DDR1: variants seen among roughly 807,000 people sequenced by gnomAD.
DDR1 encodes epithelial discoidin domain-containing receptor 1.
A neutral mutation model predicts 97.4 loss-of-function variants in DDR1; 64 were observed. The ratio of observed to expected loss-of-function variants is 0.66; its 90% CI spans 0.54 to 0.81. The LOEUF (loss-of-function observed/expected upper bound fraction) is 0.81. DDR1 is among the 30% of genes least tolerant of loss of function. The probability of loss-of-function intolerance (pLI) is 0.00; values close to 1 mark genes in which losing one functional copy is unlikely to be tolerated. For synonymous variants in DDR1, 458 were observed against 503.7 expected (o/e 0.91, Z 1.21); for missense variants, 990 against 1,259.6 (o/e 0.79, Z 3.24).
In DDR1 at chr6:30,892,495, T is replaced by G. The variant is rs1230839597; in HGVS notation, c.1052T>G (p.Leu351Arg). The G allele has an allele frequency of 1.2e-6, 2 of 1,609,878 alleles. No homozygotes were observed. The highest frequency in any genetic ancestry group is 1.1e-5 in the South Asian group (1 of 90,920). The change falls in exon 8 of 18, where the codon CTC becomes CGC. Residue 351 changes from leucine (L) to arginine (R), a missense_variant. Coordinates refer to ENST00000376568, the MANE Select transcript of DDR1 (RefSeq NM_001297654.2). ...RVARFLQCRF[L>R]FAGPWLLFSE... ...GCTCGCTTTCTGCAGTGCCGCTTCC[T>G]CTTTGCGGGGCCCTGGTTACTCTTC...
Position 30,899,522 on chromosome 6 carries a change from G to C in DDR1, c.*226G>C, listed in dbSNP as rs1792208532. On this transcript the variant is annotated 3_prime_UTR_variant, in exon 18 of 18. Coordinates refer to ENST00000376568, the MANE Select transcript of DDR1 (RefSeq NM_001297654.2). ...CCCTTCCTGTTCTTCCTTCCTAGAA[G>C]CCCCTGTCGCCCACCCAGCTGGTCC... 4 of 583,138 alleles carry C rather than the reference G, an allele frequency of 6.9e-6. No homozygotes were observed. The East Asian group carries it at 1.2e-4, about 17-fold the overall frequency. The allele number at this position is 583,138 out of a possible 1,614,324, so 36.1% of individuals were successfully genotyped here.
Position 30,895,344 on chromosome 6 carries a change from G to C in DDR1, c.1514-60G>C, listed in dbSNP as rs1325284785. The C allele has an allele frequency of 5.3e-6, 7 of 1,318,696 alleles. No individual in the cohort carries two copies. In the East Asian group the frequency reaches 9.6e-5, roughly 18 times the overall value. 81.7% of individuals were successfully genotyped at this position (1,318,696 alleles called of 1,614,324 possible). A position where few individuals can be genotyped will look rare whatever the true frequency, so the allele number is the denominator to read the frequency against. ...GTCTTGCCCTATTCAAGGTCTCCCT[G>C]TCTGTCTAGCCTTGAGTCTCATCCC... is the stretch of plus-strand genomic sequence containing the variant. On this transcript the variant is annotated intron_variant, in intron 11 of 17. Coordinates refer to ENST00000376568, the MANE Select transcript of DDR1 (RefSeq NM_001297654.2).
chr6:30,896,960 C>A (rs370048524), intron 13 of DDR1, 54 bp from the exon 14 acceptor site: 7 of 1,581,864 alleles, frequency 4.4e-6, no homozygotes, highest in Non-Finnish European at 6.0e-6. Context: ...CATTTGTAAC[C>A]GTGTTAATCC....
rs1470533062 is a variant in DDR1 at position 30,888,690 on chromosome 6, A to T, written c.-40A>T. 6.2e-7 allele frequency: 1 copy of T among 1,611,004 alleles called. No individual in the cohort carries two copies. On this transcript the variant is annotated splice_region_variant and 5_prime_UTR_variant, in exon 2 of 18. The change abolishes an upstream ATG in the 5' untranslated region. Coordinates refer to ENST00000376568, the MANE Select transcript of DDR1 (RefSeq NM_001297654.2). This position sits in a 1 kb window ranked among gnomAD's most constrained non-coding sequence, Gnocchi z 4.2. ...ACCACCCATTTTATCCCCTGCAGAG[A>T]TGCTGCCCCCACCCCCTTAGGCCCG...
Position 30,889,558 on chromosome 6 carries a change from C to A in DDR1, c.417+128C>A. 1 of 668,676 alleles carries A rather than the reference C, an allele frequency of 1.5e-6. No individual in the cohort carries two copies. 41.4% of individuals were successfully genotyped at this position (668,676 alleles called of 1,614,324 possible). A position where few individuals can be genotyped will look rare whatever the true frequency, so the allele number is the denominator to read the frequency against. On this transcript the variant is annotated intron_variant, in intron 4 of 17. Transcript: ENST00000376568. The surrounding 1 kb of genome is among the most constrained non-coding windows in gnomAD (Gnocchi z 4.9). ...CTCCAGACTAAGCCTCTCAGCTGAG[C>A]TCCAAACAATATTGTAAACCTGGCC...
chr6:30,899,585 C>G lies in DDR1; in HGVS notation c.*289C>G. On this transcript the variant is annotated 3_prime_UTR_variant, in exon 18 of 18. Transcript: ENST00000376568. Reference sequence around the variant, plus strand: ...CCTCTCCACCCTCCTCTAGCCATCCCTTGGGGAAGGGTGGGGAGAAATATA... The same window carrying G: ...CCTCTCCACCCTCCTCTAGCCATCCGTTGGGGAAGGGTGGGGAGAAATATA... 1 of 511,410 alleles carries G rather than the reference C, an allele frequency of 2.0e-6. No homozygotes were observed. Among genetic ancestry groups the G allele is most frequent in the Non-Finnish European group, 3.5e-6 (1 of 288,578 alleles). The allele number at this position is 511,410 out of a possible 1,614,324, so 31.7% of individuals were successfully genotyped here.
chr6:30,891,009 C>T lies in DDR1; in HGVS notation c.454C>T (p.Leu152=). 1 of 1,612,404 alleles carries T rather than the reference C, an allele frequency of 6.2e-7. No homozygotes were observed. The highest frequency in any genetic ancestry group is 8.5e-7 in the Non-Finnish European group (1 of 1,179,682). Residue 152 remains leucine (L), a synonymous_variant, in exon 5 of 18, where the codon CTG becomes TTG. Transcript: ENST00000376568. This position sits in a 1 kb window ranked among gnomAD's most constrained non-coding sequence, Gnocchi z 5.3. The part of the protein sequence containing the change: ...SGNEDPEGVV[L]KDLGPPMVAR... ...CAATGAGGACCCTGAGGGAGTGGTG[C>T]TGAAGGACCTTGGGCCCCCCATGGT...
Position 30,898,281 on chromosome 6 carries a change from T to C in DDR1, c.2425T>C (p.Trp809Arg). The change falls in exon 16 of 18, where the codon TGG becomes CGG. Residue 809 changes from tryptophan (W) to arginine (R), a missense_variant. By Grantham distance (101) the Trp-to-Arg change is moderately radical (BLOSUM62 -3). Coordinates refer to ENST00000376568, the MANE Select transcript of DDR1 (RefSeq NM_001297654.2). ...VQGRAVLPIR[W>R]MAWECILMGK... ...GGGCCGGGCAGTGCTGCCCATCCGC[T>C]GGATGGCCTGGGAGTGCATCCTCAT... 2 of 1,613,896 alleles carry C rather than the reference T, an allele frequency of 1.2e-6. No individual in the cohort carries two copies. The highest frequency in any genetic ancestry group is 8.5e-7 in the Non-Finnish European group (1 of 1,179,830).
intron 8 of DDR1, chr6:30,892,781 A>T: frequency 1.7e-6 from 1 of 593,648 alleles, no homozygotes; most frequent in South Asian, 2.4e-5. Flanking sequence ...GTATGACAGT[A>T]CTGGTTGTTA....
At position 30,895,400 on chromosome 6, in the gene DDR1, A is replaced by T; in HGVS notation, c.1514-4A>T. 1 of 1,605,988 alleles carries T rather than the reference A, an allele frequency of 6.2e-7. No homozygotes were observed. The highest frequency in any genetic ancestry group is 8.5e-7 in the Non-Finnish European group (1 of 1,176,448). On this transcript the variant is annotated splice_polypyrimidine_tract_variant and splice_region_variant and intron_variant, in intron 11 of 17. Transcript: ENST00000376568. ...CGTGTTTCCCCTCCTCCTTCTCCCG[A>T]CAGCGTTGCTGCTCTCCAATCCAGC...
At position 30,893,069 on chromosome 6, in the gene DDR1, T is replaced by A. The variant is rs971383731; in HGVS notation, c.1101T>A (p.Asp367Glu). Residue 367 changes from aspartate to glutamate, a missense_variant and splice_region_variant, in exon 9 of 18, where the codon GAT becomes GAA. By Grantham distance (45) the Asp-to-Glu change is conservative. Coordinates refer to ENST00000376568, the MANE Select transcript of DDR1 (RefSeq NM_001297654.2). ...LLFSEISFIS[D>E]VVNNSSPALG... The stretch of plus-strand genomic sequence containing the variant: ...TTTCTTTTTGTTCCTTCTCCCCAGA[T>A]GTGGTGAACAATTCCTCTCCGGCAC... The A allele has an allele frequency of 3.1e-6, 5 of 1,612,084 alleles. No individual in the cohort carries two copies. In the Admixed American group the frequency reaches 8.4e-5, roughly 27 times the overall value.
chr6:30,892,270 C>A (rs764867044), intron 7 of DDR1, 26 bp from the exon 8 acceptor site: 2 of 1,587,072 alleles, frequency 1.3e-6, no homozygotes, highest in Non-Finnish European at 8.6e-7. Flanking sequence ...TAGCCTTGAC[C>A]CTGTGCCCTC....
chr6:30,891,201 A>G lies in DDR1; in HGVS notation c.565+81A>G. On this transcript the variant is annotated intron_variant, in intron 5 of 17. Coordinates refer to ENST00000376568, the MANE Select transcript of DDR1 (RefSeq NM_001297654.2). This position sits in a 1 kb window ranked among gnomAD's most constrained non-coding sequence, Gnocchi z 5.3. Reference sequence around the variant, plus strand: ...GGAGTGTGGAGAATGGGCATCCAGGATCCCTTCTCCTGCTGGGAAGCTGTC... The same window carrying G: ...GGAGTGTGGAGAATGGGCATCCAGGGTCCCTTCTCCTGCTGGGAAGCTGTC... 6.4e-7 allele frequency: 1 copy of G among 1,573,372 alleles called. No individual in the cohort carries two copies. The highest frequency in any genetic ancestry group is 1.1e-5 in the South Asian group (1 of 87,656).
chr6:30,881,346 A>G (rs942381258), upstream of DDR1: 4 of 152,478 alleles, frequency 2.6e-5, no homozygotes, highest in African/African-American at 9.7e-5. Flanking sequence ...GGTGTCCCCA[A>G]AGGGGGACCG....
At chr6:30,885,942 T>C in intron 1 of DDR1, 1 of 664,130 alleles carries the variant, frequency 1.5e-6, no homozygotes, top group Non-Finnish European at 2.4e-6. Flanking sequence ...TTGTCTTTGG[T>C]TGTAATGGAG....
Position 30,895,430 on chromosome 6 carries a change from C to T in DDR1, c.1540C>T (p.Arg514Cys), listed in dbSNP as rs140223039. 2.0e-4 allele frequency: 316 copies of T among 1,610,968 alleles called. No individual in the cohort carries two copies. Among genetic ancestry groups the T allele is most frequent in the Non-Finnish European group, 2.4e-4 (288 of 1,179,272 alleles). Residue 514 changes from arginine to cysteine, a missense_variant, in exon 12 of 18, where the codon CGC becomes TGC. Transcript: ENST00000376568. ...SALLLSNPAY[R>C]LLLATYARPP... Reference sequence around the variant, plus strand: ...GTTGCTGCTCTCCAATCCAGCCTACCGCCTCCTTCTGGCCACTTACGCCCG... The same window carrying T: ...GTTGCTGCTCTCCAATCCAGCCTACTGCCTCCTTCTGGCCACTTACGCCCG...
In DDR1 at chr6:30,891,549, G is replaced by GTGTGTGTGTGTGTT; in HGVS notation, c.665+78_665+79insTGTGTTTGTGTGTG. 3 of 953,848 alleles carry GTGTGTGTGTGTGTT rather than the reference G, an allele frequency of 3.1e-6. No homozygotes were observed. The highest frequency in any genetic ancestry group is 1.5e-5 in the South Asian group (1 of 65,138). The allele number at this position is 953,848 out of a possible 1,614,324, so 59.1% of individuals were successfully genotyped here. The stretch of plus-strand genomic sequence containing the variant: ...GGACTGTGTGTGTGTGTGTGTGTGT[G>GTGTGTGTGTGTGTT]TGTGTGTGAGAGTGTGTGTGTGTAG... On this transcript the variant is annotated intron_variant, in intron 6 of 17. Coordinates refer to ENST00000376568, the MANE Select transcript of DDR1 (RefSeq NM_001297654.2). The surrounding 1 kb of genome is among the most constrained non-coding windows in gnomAD (Gnocchi z 5.3).
chr6:30,885,016 T>C, intron 1 of DDR1: 1 of 552,776 alleles, frequency 1.8e-6, no homozygotes, highest in Non-Finnish European at 3.3e-6. Flanking sequence ...GAGGTGCTCC[T>C]GTGCAGCCCC....
In DDR1 at chr6:30,890,709, T is replaced by G; in HGVS notation, c.418-264T>G. 2.2e-6 allele frequency: 1 copy of G among 444,896 alleles called. No homozygotes were observed. Among genetic ancestry groups the G allele is most frequent in the Non-Finnish European group, 3.9e-6 (1 of 255,184 alleles). 27.6% of individuals were successfully genotyped at this position (444,896 alleles called of 1,614,324 possible). ...ATGGGATGATAGGCTTGGAGACAAA[T>G]GGATGGAGCCAGGCAAGGAGAAGAG... On this transcript the variant is annotated intron_variant, in intron 4 of 17. Coordinates refer to ENST00000376568, the MANE Select transcript of DDR1 (RefSeq NM_001297654.2). The surrounding 1 kb of genome is among the most constrained non-coding windows in gnomAD (Gnocchi z 5.0).
Sources: allele counts gnomAD v4.1 joint callset, GRCh38; gene constraint gnomAD v4.1.1; non-coding constraint Gnocchi (gnomAD v3.1); transcripts MANE v1.5; gene names NCBI Gene and HGNC (gene_info 2026-07-23, HGNC 2026-07-21).